Variants in SLBP observed in about 807,000 individuals in gnomAD.
The protein encoded by SLBP is histone RNA hairpin-binding protein.
A neutral mutation model predicts 39.2 loss-of-function variants in SLBP; 29 were observed. The ratio of observed to expected loss-of-function variants is 0.74; its 90% CI spans 0.55 to 1.01. SLBP has a LOEUF of 1.01. Among genes scored for constraint, SLBP ranks in the 50% least tolerant of loss-of-function variants. SLBP has a pLI of 0.00. For synonymous variants in SLBP, 129 were observed against 118.7 expected, an observed-to-expected ratio of 1.09 and a Z score of -0.57; for missense variants, 390 against 350.2, an observed-to-expected ratio of 1.11 and a Z score of -0.91.
chr4:1,702,880 A>G (rs1716376213), intron 3 of SLBP, among the ~76,000 whole-genome samples: 1 of 152,014 alleles, frequency 6.6e-6, no homozygotes, highest in South Asian at 2.1e-4. Context: ...TGGAGAGAGC[A>G]CTCCATCTAC....
chr4:1,712,245 G>T lies in SLBP; in HGVS notation c.-57C>A. ...CGAGGCTGAGGCGGCGGCGGCGCGG[G>T]CAGAGAGCGCAGAGTAGAGCAGGGC... On this transcript the variant is annotated 5_prime_UTR_variant, in exon 1 of 8. Coordinates refer to ENST00000489418, the MANE Select transcript of SLBP (RefSeq NM_006527.4). 1 of 1,066,682 alleles carries T rather than the reference G, an allele frequency of 9.4e-7. No homozygotes were observed. Among genetic ancestry groups the T allele is most frequent in the Non-Finnish European group, 1.2e-6 (1 of 819,512 alleles). 66.1% of individuals were successfully genotyped at this position (1,066,682 alleles called of 1,614,324 possible).
At chr4:1,703,787 G>T in intron 2 of SLBP, 87 bp from the exon 3 acceptor site, 1 of 951,896 alleles carries the variant, frequency 1.1e-6, no homozygotes, top group Non-Finnish European at 1.7e-6. Context: ...AAAGGCTGGT[G>T]GGACACAGTG....
At position 1,712,203 on chromosome 4, in the gene SLBP, G is replaced by T; in HGVS notation, c.-15C>A. On this transcript the variant is annotated 5_prime_UTR_variant, in exon 1 of 8. Transcript: ENST00000489418. Reference sequence around the variant, plus strand: ...CGGCAGGCCATGGCAGCACGGGCCGGGCGCGCAGCGCAGGGCCGAGGCTGA... The same window carrying T: ...CGGCAGGCCATGGCAGCACGGGCCGTGCGCGCAGCGCAGGGCCGAGGCTGA... The T allele has an allele frequency of 8.0e-7, 1 of 1,246,318 alleles. No individual in the cohort carries two copies. The highest frequency in any genetic ancestry group is 3.0e-5 in the South Asian group (1 of 33,190). The allele number at this position is 1,246,318 out of a possible 1,614,324, so 77.2% of individuals were successfully genotyped here.
chr4:1,712,297 C>G lies in SLBP; in HGVS notation c.-109G>C, dbSNP rs562836775. On this transcript the variant is annotated 5_prime_UTR_variant, in exon 1 of 8. Coordinates refer to ENST00000489418, the MANE Select transcript of SLBP (RefSeq NM_006527.4). ...GGGCCTGAGGCAGAAACCCGCGTCC[C>G]CGCGCCGGCGCTCACGAGCTCTGCG... 1 of 655,860 alleles carries G rather than the reference C, an allele frequency of 1.5e-6. No homozygotes were observed. The highest frequency in any genetic ancestry group is 2.2e-6 in the Non-Finnish European group (1 of 449,224). The allele number at this position is 655,860 out of a possible 1,614,324, so 40.6% of individuals were successfully genotyped here.
chr4:1,706,354 T>C (rs529978674), intron 2 of SLBP, among the ~76,000 whole-genome samples: 1 of 152,292 alleles, frequency 6.6e-6, no homozygotes, highest in South Asian at 2.1e-4. Context: ...TAATTCAGAA[T>C]GTTATGTACA....
At position 1,694,835 on chromosome 4, in the gene SLBP, G is replaced by A. The variant is rs1716046832; in HGVS notation, c.635C>T (p.Pro212Leu). 1 of 1,612,328 alleles carries A rather than the reference G, an allele frequency of 6.2e-7. No homozygotes were observed. The highest frequency in any genetic ancestry group is 8.5e-7 in the Non-Finnish European group (1 of 1,178,474). The change falls in exon 7 of 8, where the codon CCT becomes CTT. Residue 212 changes from proline to leucine, a missense_variant. By Grantham distance (98) the Pro-to-Leu change is moderately conservative. Coordinates refer to ENST00000489418, the MANE Select transcript of SLBP (RefSeq NM_006527.4). ...GCTTTCTGCAGATTCAAGGTCTACA[G>A]GGTGTCTGTTAAACAAGATCCAACA... Reference protein sequence around the residue: ...EEGCDLQEIHPVDLESAESSS... With the variant: ...EEGCDLQEIHLVDLESAESSS...
intron 2 of SLBP, among the ~76,000 whole-genome samples, chr4:1,710,836 G>A (rs958662894): frequency 2.0e-5 from 3 of 150,610 alleles, no homozygotes; most frequent in African/African-American, 7.3e-5. Context: ...GATCACTTGA[G>A]GTCAGGAGTT....
chr4:1,703,340 AAG>A (rs1485717369), intron 3 of SLBP, among the ~76,000 whole-genome samples: 1 of 152,102 alleles, frequency 6.6e-6, no homozygotes, highest in Non-Finnish European at 1.5e-5. Context: ...GATTACCACC[AAG>A]AGGACAGTGG....
intron 4 of SLBP, 147 bp from the exon 5 acceptor site, chr4:1,699,848 T>C: frequency 2.4e-6 from 2 of 847,748 alleles, no homozygotes; most frequent in Non-Finnish European, 3.7e-6. Context: ...GGAGACTGCA[T>C]GTATGGGAAT....
chr4:1,693,802 CAT>C, intron 7 of SLBP, 89 bp from the exon 8 acceptor site: 1 of 778,766 alleles, frequency 1.3e-6, no homozygotes, highest in South Asian at 1.4e-5. Context: ...TGTGGTAAAT[CAT>C]GTGATGTAAT....
chr4:1,710,079 A>C (rs1034112738), intron 2 of SLBP, among the ~76,000 whole-genome samples: 1 of 151,392 alleles, frequency 6.6e-6, no homozygotes, highest in African/African-American at 2.4e-5. Context: ...GGGTTTCTCC[A>C]TGTTAGTCAG....
chr4:1,705,389 T>C (rs1338378702), intron 2 of SLBP, among the ~76,000 whole-genome samples: 3 of 152,266 alleles, frequency 2.0e-5, no homozygotes, highest in Non-Finnish European at 4.4e-5. Flanking sequence ...AAACTTCTGA[T>C]AATGAAGCAG....
chr4:1,693,585 G>C lies in SLBP; in HGVS notation c.*12C>G. On this transcript the variant is annotated 3_prime_UTR_variant, in exon 8 of 8. Coordinates refer to ENST00000489418, the MANE Select transcript of SLBP (RefSeq NM_006527.4). The stretch of plus-strand genomic sequence containing the variant: ...GGAGGAGCTGTTTCTCTTCCTGGCC[G>C]CCAGGGGGCAGTTAGCTCATGGCTG... 11 of 1,557,454 alleles carry C rather than the reference G, an allele frequency of 7.1e-6. No homozygotes were observed. The highest frequency in any genetic ancestry group is 9.7e-6 in the Non-Finnish European group (11 of 1,128,494).
chr4:1,695,281 A>G (rs754548171), intron 6 of SLBP, among the ~76,000 whole-genome samples: 26 of 152,222 alleles, frequency 1.7e-4, no homozygotes, highest in Non-Finnish European at 3.1e-4. Flanking sequence ...CGTTTCAAAC[A>G]TGCCAGTCTC....
intron 6 of SLBP, 89 bp downstream of exon 6, chr4:1,696,113 C>G: frequency 8.4e-7 from 1 of 1,188,396 alleles, no homozygotes; most frequent in East Asian, 2.8e-5. Context: ...GGGGACTTGG[C>G]ACCAGACCTC....
chr4:1,698,246 G>A (rs1317925215), intron 5 of SLBP, among the ~76,000 whole-genome samples: 1 of 151,670 alleles, frequency 6.6e-6, no homozygotes, highest in Non-Finnish European at 1.5e-5. Flanking sequence ...TGTGGAGGCT[G>A]AGGCAGGAGA....
intron 5 of SLBP, among the ~76,000 whole-genome samples, chr4:1,696,846 G>A (rs141611140): frequency 0.017 from 2,480 of 150,202 alleles, 89 homozygotes; most frequent in African/African-American, 0.057. Flanking sequence ...GCAGTGAGCC[G>A]AGATCGTGCC....
chr4:1,712,235 G>A lies in SLBP; in HGVS notation c.-47C>T. The A allele has an allele frequency of 8.5e-7, 1 of 1,173,098 alleles. No homozygotes were observed. The highest frequency in any genetic ancestry group is 1.1e-6 in the Non-Finnish European group (1 of 918,148). 72.7% of individuals were successfully genotyped at this position (1,173,098 alleles called of 1,614,324 possible). A position where few individuals can be genotyped will look rare whatever the true frequency, so the allele number is the denominator to read the frequency against. Reference sequence around the variant, plus strand: ...AGCGCAGGGCCGAGGCTGAGGCGGCGGCGGCGCGGGCAGAGAGCGCAGAGT... The same window carrying A: ...AGCGCAGGGCCGAGGCTGAGGCGGCAGCGGCGCGGGCAGAGAGCGCAGAGT... On this transcript the variant is annotated 5_prime_UTR_variant, in exon 1 of 8. Transcript: ENST00000489418.
chr4:1,708,260 A>G (rs891799255), intron 2 of SLBP, among the ~76,000 whole-genome samples: 4 of 152,154 alleles, frequency 2.6e-5, no homozygotes, highest in African/African-American at 7.2e-5. Flanking sequence ...AAAAAAATAC[A>G]CTAGATACTA....
Sources: allele counts gnomAD v4.1 joint callset (sites outside exome capture counted in the v4.1 genomes callset), GRCh38; gene constraint gnomAD v4.1.1; transcripts MANE v1.5; gene names NCBI Gene and HGNC (gene_info 2026-07-23, HGNC 2026-07-21).